RTN4: variants seen among roughly 807,000 people sequenced by gnomAD.
RTN4 encodes reticulon-4.
RTN4 carries 32 observed loss-of-function variants against 90.4 expected under a neutral mutation model. The ratio of observed to expected loss-of-function variants is 0.35; its 90% CI spans 0.27 to 0.48. The LOEUF (loss-of-function observed/expected upper bound fraction) is 0.48, where lower values mean the gene tolerates loss of function less well. Ranked by LOEUF, RTN4 falls within the 20% of genes least tolerant of loss-of-function variation. The probability of loss-of-function intolerance (pLI) is 0.99; values close to 1 mark genes in which losing one functional copy is unlikely to be tolerated. For synonymous variants in RTN4, 629 were observed against 552.5 expected, an observed-to-expected ratio of 1.14 and a Z score of -1.94; for missense variants, 1,706 against 1,430.2, an observed-to-expected ratio of 1.19 and a Z score of -3.11.
intron 3 of RTN4, among the ~76,000 whole-genome samples, chr2:54,997,493 C>T (rs1679522794): frequency 6.6e-6 from 1 of 152,112 alleles, no homozygotes; most frequent in Admixed American, 6.5e-5. Context: ...CCTGGCAATT[C>T]CACTCCTAGG....
Position 55,084,211 on chromosome 2 carries a change from C to A in RTN4, c.-213-3572G>T, listed in dbSNP as rs1366626301. On this transcript the variant is annotated intron_variant, in intron 1 of 3. Transcript: ENST00000427710. ...GCTGAAATCATGGAAGGTGGCATCC[C>A]CTAAGAGGCCATAAAAGCTCACAAC... Among the ~76,000 whole-genome samples the A allele has an allele frequency of 2.0e-5, 3 of 152,124 alleles. 1 individual carries two copies.
At chr2:55,060,259 A>C (rs1668266028) in intron 2 of RTN4, among the ~76,000 whole-genome samples, 1 of 152,260 alleles carries the variant, frequency 6.6e-6, no homozygotes, top group African/African-American at 2.4e-5. Flanking sequence ...GCATGGGGCA[A>C]TACAGTTAAC....
At chr2:55,016,490 C>T (rs181270573) in intron 3 of RTN4, among the ~76,000 whole-genome samples, 220 of 152,010 alleles carry the variant, frequency 1.4e-3, no homozygotes, top group African/African-American at 4.9e-3. Flanking sequence ...GGCTGAGGCA[C>T]GAGAATCGCT....
chr2:55,060,890 A>C (rs1187462274), intron 2 of RTN4: 1 of 152,188 alleles, frequency 6.6e-6, no homozygotes, highest in Non-Finnish European at 1.5e-5. Flanking sequence ...ACTGTACTCC[A>C]GCTTGTGTGA....
chr2:55,120,931 T>C, the RTN4 span, among the ~76,000 whole-genome samples: 51 of 152,256 alleles, frequency 3.3e-4, 1 homozygote, highest in East Asian at 3.7e-3. Context: ...CAGGGTCTCC[T>C]TTCAGGGTTA....
In RTN4 at chr2:55,006,053, C is replaced by T. The variant is rs60141672; in HGVS notation, c.3014-18355G>A. Among the ~76,000 whole-genome samples, 947 of 152,044 alleles carry T rather than the reference C, an allele frequency of 6.2e-3. 8 individuals carry two copies. Among genetic ancestry groups the T allele is most frequent in the African/African-American group, 0.022 (913 of 41,480 alleles). On this transcript the variant is annotated intron_variant, in intron 3 of 8. Transcript: ENST00000337526. ...TAAAATATTGTAGTCATTAAAATAG[C>T]GTACAGTATTTAAAAAATAAATACT...
intron 3 of RTN4, among the ~76,000 whole-genome samples, chr2:54,994,757 G>T (rs1679283040): frequency 6.6e-6 from 1 of 152,172 alleles, no homozygotes; most frequent in African/African-American, 2.4e-5. Flanking sequence ...TATTGGAAAG[G>T]AAGAGATTAA....
chr2:55,035,483 A>T (rs897585124), intron 1 of RTN4, among the ~76,000 whole-genome samples: 1 of 151,706 alleles, frequency 6.6e-6, no homozygotes, highest in African/African-American at 2.4e-5. Flanking sequence ...ATGCTTAGAG[A>T]GAAATGTATA....
Position 54,972,932 on chromosome 2 carries a change from T to C in RTN4, c.*224A>G. 2.5e-6 allele frequency: 1 copy of C among 399,796 alleles called. No individual in the cohort carries two copies. 24.8% of individuals were successfully genotyped at this position (399,796 alleles called of 1,614,324 possible). A position where few individuals can be genotyped will look rare whatever the true frequency, so the allele number is the denominator to read the frequency against. On this transcript the variant is annotated 3_prime_UTR_variant, in exon 9 of 9. Coordinates refer to ENST00000337526, the MANE Select transcript of RTN4 (RefSeq NM_020532.5). Reference sequence around the variant, plus strand: ...AGATAGGAAAAAGATATGATTACGGTTTAAATCCATACATAGCAGCTTACA... The same window carrying C: ...AGATAGGAAAAAGATATGATTACGGCTTAAATCCATACATAGCAGCTTACA...
chr2:55,035,953 A>G (rs1682648818), intron 1 of RTN4, among the ~76,000 whole-genome samples: 3 of 152,186 alleles, frequency 2.0e-5, no homozygotes, highest in Admixed American at 2.0e-4. Flanking sequence ...ACACAAGCAG[A>G]AATCAAAAAT....
chr2:54,990,531 T>C (rs1019248733), intron 3 of RTN4, among the ~76,000 whole-genome samples: 1 of 152,204 alleles, frequency 6.6e-6, no homozygotes, highest in East Asian at 1.9e-4. Context: ...GTGCTATTTG[T>C]TGCTGTTATT....
chr2:55,021,927 A>G (rs2104840976), intron 3 of RTN4, among the ~76,000 whole-genome samples: 1 of 152,344 alleles, frequency 6.6e-6, no homozygotes, highest in South Asian at 2.1e-4. Flanking sequence ...GGTTAAGTCA[A>G]AAAGGCAGGA....
At chr2:55,043,419 T>G (rs983573959) in intron 1 of RTN4, among the ~76,000 whole-genome samples, 1 of 152,154 alleles carries the variant, frequency 6.6e-6, no homozygotes, top group African/African-American at 2.4e-5. Context: ...AATTGAGGCT[T>G]TGAATCAAGT....
chr2:55,010,193 AC>A (rs1680530950), intron 3 of RTN4: 1 of 1,606,600 alleles, frequency 6.2e-7, no homozygotes, highest in South Asian at 1.1e-5. Context: ...AACTGCACAA[AC>A]CTACTCCCTG....
At chr2:54,997,149 T>A (rs866628526) in intron 3 of RTN4, among the ~76,000 whole-genome samples, 2 of 152,032 alleles carry the variant, frequency 1.3e-5, no homozygotes, top group Admixed American at 6.6e-5. Flanking sequence ...TCAGAATATA[T>A]TGAAAAACTT....
chr2:55,006,444 A>C (rs1303575274), intron 3 of RTN4, among the ~76,000 whole-genome samples: 1 of 152,164 alleles, frequency 6.6e-6, no homozygotes, highest in Non-Finnish European at 1.5e-5. Context: ...CCAAAATGTC[A>C]GTATGAGCTT....
intron 1 of RTN4, among the ~76,000 whole-genome samples, chr2:55,083,383 G>T (rs1275998708): frequency 6.6e-6 from 1 of 151,990 alleles, no homozygotes; most frequent in Non-Finnish European, 1.5e-5. Context: ...GTGGTCCCAG[G>T]TACTTGGGCA....
upstream of RTN4, among the ~76,000 whole-genome samples, chr2:55,054,404 C>G (rs1182890222): frequency 6.6e-6 from 1 of 152,242 alleles, no homozygotes; most frequent in Non-Finnish European, 1.5e-5. Flanking sequence ...GAATACAGCA[C>G]TACGCCAGAC....
chr2:55,042,242 T>G (rs933825007), intron 1 of RTN4, among the ~76,000 whole-genome samples: 2 of 152,172 alleles, frequency 1.3e-5, no homozygotes, highest in Non-Finnish European at 2.9e-5. Context: ...TACCAACATT[T>G]TAAATGCAAA....
Sources: gnomAD v4.1 joint callset for allele counts (sites outside exome capture counted in the v4.1 genomes callset) on GRCh38, gnomAD v4.1.1 for gene constraint, MANE v1.5 for transcripts, NCBI Gene and HGNC (gene_info 2026-07-23, HGNC 2026-07-21) for gene names.